ADAMTS6: variants seen among roughly 807,000 people sequenced by gnomAD.
ADAMTS6 encodes the protein ADAM metallopeptidase with thrombospondin type 1 motif 6.
ADAMTS6 carries 23 observed loss-of-function variants against 144.3 expected under a neutral mutation model. That is an observed-to-expected ratio of 0.16 (90% CI 0.11 to 0.23). ADAMTS6 has a LOEUF of 0.23. Among genes scored for constraint, ADAMTS6 ranks in the 10% least tolerant of loss-of-function variants. The probability of loss-of-function intolerance (pLI) is 1.00; values close to 1 mark genes in which losing one functional copy is unlikely to be tolerated. For missense variants in ADAMTS6, 999 were observed against 1,379.6 expected, an observed-to-expected ratio of 0.72 and a Z score of 4.37; for synonymous variants, 444 against 457.5, an observed-to-expected ratio of 0.97 and a Z score of 0.38.
intron 7 of ADAMTS6, among the ~76,000 whole-genome samples, chr5:65,395,647 GA>G (rs1753274767): frequency 6.6e-6 from 1 of 152,100 alleles, no homozygotes; most frequent in East Asian, 1.9e-4. Context: ...CCAACCATTG[GA>G]ATAGTTCCAT....
At chr5:65,364,716 G>C (rs1193732728) in intron 7 of ADAMTS6, among the ~76,000 whole-genome samples, 1 of 151,768 alleles carries the variant, frequency 6.6e-6, no homozygotes, top group African/African-American at 2.4e-5. Flanking sequence ...ACAGGCGCCC[G>C]TCACTGCGCC....
intron 7 of ADAMTS6, among the ~76,000 whole-genome samples, chr5:65,406,668 A>G (rs1307949092): frequency 6.6e-6 from 1 of 152,236 alleles, no homozygotes; most frequent in Non-Finnish European, 1.5e-5. Flanking sequence ...TCATAAAATG[A>G]GTTGGGAGGA....
rs145228475 is a variant in ADAMTS6 at position 65,261,377 on chromosome 5, T to C, written c.1767-714A>G. 6.3e-3 allele frequency among the ~76,000 whole-genome samples: 959 copies of C among 152,314 alleles called. 5 individuals are homozygous for C. Among genetic ancestry groups the C allele is most frequent in the Non-Finnish European group, 0.01 (704 of 68,016 alleles). On this transcript the variant is annotated intron_variant, in intron 13 of 24. Coordinates refer to ENST00000381055, the MANE Select transcript of ADAMTS6 (RefSeq NM_197941.4). ...TGCTATTATTTGGGCATACTACCAT[T>C]GAGTGATAAAAACAACTAATTTCTT...
intron 18 of ADAMTS6, among the ~76,000 whole-genome samples, chr5:65,217,561 G>C (rs189476411): frequency 6.6e-6 from 1 of 152,102 alleles, no homozygotes; most frequent in Non-Finnish European, 1.5e-5. Context: ...AAAAAGCTGA[G>C]GCTAGAAATC....
At chr5:65,412,614 G>C (rs1442735087) in intron 7 of ADAMTS6, among the ~76,000 whole-genome samples, 1 of 152,078 alleles carries the variant, frequency 6.6e-6, no homozygotes, top group Non-Finnish European at 1.5e-5. Context: ...AAAATTTGGA[G>C]AAGATGGCAT....
chr5:65,371,244 A>T (rs934494903), intron 7 of ADAMTS6, among the ~76,000 whole-genome samples: 1 of 152,258 alleles, frequency 6.6e-6, no homozygotes, highest in Non-Finnish European at 1.5e-5. Flanking sequence ...GCAGTTCCTC[A>T]CCAGCAACGG....
In ADAMTS6 at chr5:65,210,800, T is replaced by C. The variant is rs146689101; in HGVS notation, c.2575+3994A>G. 1,670 of 563,014 alleles carry C rather than the reference T, an allele frequency of 3.0e-3. 8 individuals carry two copies. The highest frequency in any genetic ancestry group is 2.8e-3 in the Non-Finnish European group (845 of 303,650). The allele number at this position is 563,014 out of a possible 1,614,324, so 34.9% of individuals were successfully genotyped here. A position where few individuals can be genotyped will look rare whatever the true frequency, so the allele number is the denominator to read the frequency against. On this transcript the variant is annotated intron_variant, in intron 20 of 24. Transcript: ENST00000381055. ...TACAAGAAACAGTTCTCTCAACACATAAAGAACAGTGTAACTCCAGACATG... is the reference window on the plus strand; with the variant it reads ...TACAAGAAACAGTTCTCTCAACACACAAAGAACAGTGTAACTCCAGACATG...
intron 24 of ADAMTS6, 58 bp from the exon 25 acceptor site, chr5:65,152,003 A>G: frequency 6.9e-7 from 1 of 1,440,080 alleles, no homozygotes; most frequent in Non-Finnish European, 9.7e-7. Flanking sequence ...AAGTACATAA[A>G]CAAGCCGATG....
At chr5:65,374,282 T>C (rs1056027873) in intron 7 of ADAMTS6, among the ~76,000 whole-genome samples, 2 of 151,850 alleles carry the variant, frequency 1.3e-5, no homozygotes, top group South Asian at 2.1e-4. Context: ...GAGAAGGAAA[T>C]AAAGGATATT....
chr5:65,382,477 A>AT (rs1752126613), intron 7 of ADAMTS6, among the ~76,000 whole-genome samples: 1 of 152,232 alleles, frequency 6.6e-6, no homozygotes, highest in Non-Finnish European at 1.5e-5. Flanking sequence ...GTCAAATTCA[A>AT]TTTTAATTTC....
At chr5:65,275,872 T>C (rs1762490687) in intron 11 of ADAMTS6, among the ~76,000 whole-genome samples, 1 of 152,042 alleles carries the variant, frequency 6.6e-6, no homozygotes, top group African/African-American at 2.4e-5. Flanking sequence ...GGACCATTAA[T>C]AGAGATTAAT....
chr5:65,446,564 C>A lies in ADAMTS6; in HGVS notation c.1073+4911G>T, dbSNP rs560899873. Among the ~76,000 whole-genome samples, 30 of 152,242 alleles carry A rather than the reference C, an allele frequency of 2.0e-4. 1 individual carries two copies. The South Asian group carries it at 5.4e-3, about 27-fold the overall frequency. ...AAAACTGTACAAGTATAATAATTGA[C>A]AAATAGCCTATAGAGGCAGTCTTAA... On this transcript the variant is annotated intron_variant, in intron 7 of 24. Coordinates refer to ENST00000381055, the MANE Select transcript of ADAMTS6 (RefSeq NM_197941.4).
intron 11 of ADAMTS6, among the ~76,000 whole-genome samples, chr5:65,290,961 A>G (rs1742242841): frequency 6.6e-6 from 1 of 152,206 alleles, no homozygotes; most frequent in Non-Finnish European, 1.5e-5. Flanking sequence ...AGCTAATGTA[A>G]AAATGCCCTT....
At chr5:65,464,085 C>T (rs919573925) in intron 3 of ADAMTS6, among the ~76,000 whole-genome samples, 4 of 152,162 alleles carry the variant, frequency 2.6e-5, no homozygotes, top group African/African-American at 9.7e-5. Flanking sequence ...TCTAGATCAC[C>T]GTCATTCTCT....
intron 14 of ADAMTS6, among the ~76,000 whole-genome samples, chr5:65,255,305 C>A (rs768257963): frequency 2.5e-4 from 38 of 151,684 alleles, no homozygotes; most frequent in Non-Finnish European, 5.4e-4. Flanking sequence ...TTTTGGTGAA[C>A]AGGTGCTGTT....
Position 65,307,816 on chromosome 5 carries a change from A to T in ADAMTS6, c.1224-7685T>A, listed in dbSNP as rs1440033961. Among the ~76,000 whole-genome samples, 3 of 152,338 alleles carry T rather than the reference A, an allele frequency of 2.0e-5. No homozygotes were observed. The East Asian group carries it at 5.8e-4, about 29-fold the overall frequency. On this transcript the variant is annotated intron_variant, in intron 9 of 24. Coordinates refer to ENST00000381055, the MANE Select transcript of ADAMTS6 (RefSeq NM_197941.4). ...AGACACTCTTTTATATCCCAGTCTGAGAAACTAAACCACTTGTCTAGTTCC... is the reference window on the plus strand; with the variant it reads ...AGACACTCTTTTATATCCCAGTCTGTGAAACTAAACCACTTGTCTAGTTCC...
intron 7 of ADAMTS6, among the ~76,000 whole-genome samples, chr5:65,405,927 T>C (rs1336617615): frequency 6.6e-6 from 1 of 152,254 alleles, no homozygotes; most frequent in Non-Finnish European, 1.5e-5. Context: ...GGGAGTTCAC[T>C]CATGATTTGG....
rs537817586 is a variant in ADAMTS6, at chr5:65,291,421, G to C, written c.1420C>G (p.Leu474Val). ...LDNEPPKRDF[L>V]YPAVAPGQVY... ...TGACCTGGGGCCACAGCTGGATAAAGAAAGTCACGCTTGGGAGGCTCATTA... is the reference window on the plus strand; with the variant it reads ...TGACCTGGGGCCACAGCTGGATAAACAAAGTCACGCTTGGGAGGCTCATTA... The change falls in exon 11 of 25, where the codon CTT (leucine) becomes GTT (valine). Residue 474 changes from leucine to valine, a missense_variant. Physicochemically the swap from Leu to Val is conservative, Grantham distance 32. Coordinates refer to ENST00000381055, the MANE Select transcript of ADAMTS6 (RefSeq NM_197941.4). 1.2e-6 allele frequency: 2 copies of C among 1,614,024 alleles called. No individual in the cohort carries two copies. The highest frequency in any genetic ancestry group is 1.7e-6 in the Non-Finnish European group (2 of 1,179,932).
intron 7 of ADAMTS6, among the ~76,000 whole-genome samples, chr5:65,444,018 T>A (rs529086594): frequency 6.6e-6 from 1 of 152,192 alleles, no homozygotes; most frequent in Non-Finnish European, 1.5e-5. Flanking sequence ...ATAAAAGTCA[T>A]TCATTATTAA....
Sources: allele counts gnomAD v4.1 joint callset (sites outside exome capture counted in the v4.1 genomes callset), GRCh38; gene constraint gnomAD v4.1.1; transcripts MANE v1.5; gene names NCBI Gene and HGNC (gene_info 2026-07-23, HGNC 2026-07-21).